The following PCDHGA3 variants were observed in gnomAD, a reference collection of about 807,000 sequenced individuals.
PCDHGA3 encodes the protein protocadherin gamma subfamily A, 3, also known as protocadherin gamma-A3.
In PCDHGA3, 40 loss-of-function variants were observed where a neutral mutation model predicts 58.5. The ratio of observed to expected loss-of-function variants is 0.68; its 90% CI spans 0.53 to 0.89. The LOEUF is 0.89. PCDHGA3 is among the 40% of genes least tolerant of loss of function. The pLI is 0.00. For missense variants in PCDHGA3, 1,223 were observed against 1,195.9 expected (o/e 1.02, Z -0.33); for synonymous variants, 530 against 525.7 (o/e 1.01, Z -0.11).
chr5:141,441,547 A>G (rs1393958373), intron 1 of PCDHGA3: 1 of 182,772 alleles, frequency 5.5e-6, no homozygotes, highest in Admixed American at 6.4e-5. Context: ...CAAAGCCTCC[A>G]TAGTGTGCAA....
chr5:141,428,459 A>G (rs1322945046), intron 1 of PCDHGA3: 2 of 350,154 alleles, frequency 5.7e-6, no homozygotes, highest in Non-Finnish European at 1.1e-5. Flanking sequence ...CCCAACTACA[A>G]TGAGGGAACT....
intron 1 of PCDHGA3, among the ~76,000 whole-genome samples, chr5:141,474,432 C>T (rs1050895539): frequency 6.6e-6 from 1 of 152,214 alleles, no homozygotes; most frequent in Non-Finnish European, 1.5e-5. Context: ...GGTCCTCACA[C>T]TTTGAGTAGC....
intron 1 of PCDHGA3, chr5:141,419,071 A>G: frequency 6.2e-7 from 1 of 1,614,006 alleles, no homozygotes; most frequent in South Asian, 1.1e-5. Flanking sequence ...ACTACAAGCT[A>G]GTAACAGATG....
intron 2 of PCDHGA3, among the ~76,000 whole-genome samples, chr5:141,500,027 G>C (rs1458308566): frequency 6.6e-6 from 1 of 151,808 alleles, no homozygotes; most frequent in Non-Finnish European, 1.5e-5. Flanking sequence ...ATATTTGAGT[G>C]AGTGTCTCTT....
intron 1 of PCDHGA3, chr5:141,375,721 G>T (rs1194190814): frequency 6.2e-7 from 1 of 1,614,266 alleles, no homozygotes; most frequent in South Asian, 1.1e-5. Context: ...GCAGCAACGT[G>T]TCACTGAGCC....
intron 2 of PCDHGA3, among the ~76,000 whole-genome samples, chr5:141,503,595 G>A (rs6892628): frequency 7.1e-6 from 1 of 140,086 alleles, no homozygotes. Context: ...CGAGACTCCA[G>A]CTCAAAAAAA....
In PCDHGA3 at chr5:141,418,244, C is replaced by T. The variant is rs746986702; in HGVS notation, c.2424+71787C>T. 1.3e-5 allele frequency: 21 copies of T among 1,613,980 alleles called. No individual in the cohort carries two copies. The South Asian group carries it at 2.2e-4, about 17-fold the overall frequency. ...TGTGGTGATTGAGGATGTTAATGAC[C>T]ACGCCCCTCAATTCCGGAAAGATGA... is the stretch of plus-strand genomic sequence containing the variant. On this transcript the variant is annotated intron_variant, in intron 1 of 3. Transcript: ENST00000253812.
rs780383828 is a variant in PCDHGA3, at chr5:141,422,708, A to G, written c.2425-72099A>G. ...GCCCTGGTCACTTACTCTCTGACGGATGACACTGTCCAGGGGGTGCCTCTG... is the reference window on the plus strand; with the variant it reads ...GCCCTGGTCACTTACTCTCTGACGGGTGACACTGTCCAGGGGGTGCCTCTG... On this transcript the variant is annotated intron_variant, in intron 1 of 3. Transcript: ENST00000253812. 28 of 1,603,464 alleles carry G rather than the reference A, an allele frequency of 1.7e-5. No individual in the cohort carries two copies. The East Asian group carries it at 3.8e-4, about 22-fold the overall frequency.
intron 1 of PCDHGA3, among the ~76,000 whole-genome samples, chr5:141,437,777 C>T (rs998490046): frequency 2.0e-5 from 3 of 148,970 alleles, no homozygotes; most frequent in Admixed American, 6.7e-5. Context: ...CTCAATCTGT[C>T]GCCAAGCTGG....
chr5:141,402,857 A>G, intron 1 of PCDHGA3: 2 of 1,425,270 alleles, frequency 1.4e-6, no homozygotes, highest in Non-Finnish European at 1.8e-6. Context: ...CTTTCTTCTA[A>G]GGAAAAGATC....
intron 1 of PCDHGA3, among the ~76,000 whole-genome samples, chr5:141,435,743 G>T (rs3805699): frequency 0.11 from 17,212 of 152,168 alleles, 1,160 homozygotes; most frequent in African/African-American, 0.18. Context: ...TCTTTGAAAA[G>T]CATTGCTTGA....
intron 1 of PCDHGA3, chr5:141,399,557 T>TG: frequency 1.2e-6 from 2 of 1,613,968 alleles, no homozygotes; most frequent in Non-Finnish European, 1.7e-6. Context: ...GACCTGGACT[T>TG]GGGGTTGAAC....
chr5:141,469,821 G>GTCAC (rs2099212195), intron 1 of PCDHGA3, among the ~76,000 whole-genome samples: 1 of 152,028 alleles, frequency 6.6e-6, no homozygotes, highest in African/African-American at 2.4e-5. Flanking sequence ...TAGAATGGAG[G>GTCAC]TCACATAAAA....
intron 1 of PCDHGA3, chr5:141,361,293 G>A: frequency 1.2e-6 from 2 of 1,614,018 alleles, no homozygotes; most frequent in Non-Finnish European, 8.5e-7. Context: ...ACTGCCAAGT[G>A]TTGGGAAATG....
rs1288507078 is a variant in PCDHGA3 at position 141,476,171 on chromosome 5, G to A, written c.2425-18636G>A. On this transcript the variant is annotated intron_variant, in intron 1 of 3. Transcript: ENST00000253812. This position sits in a 1 kb window ranked among gnomAD's most constrained non-coding sequence, Gnocchi z 7.6. ...GGTAAGCACCGGGAGGGTAGTGGGA[G>A]TTTTGCTTCTGCTTGGTGCCTTGAA... The A allele has an allele frequency of 1.2e-6, 2 of 1,613,442 alleles. No individual in the cohort carries two copies. The highest frequency in any genetic ancestry group is 1.7e-6 in the Non-Finnish European group (2 of 1,179,978).
chr5:141,400,700 AAAG>A (rs1199384329), intron 1 of PCDHGA3: 5 of 728,844 alleles, frequency 6.9e-6, no homozygotes, highest in Non-Finnish European at 1.1e-5. Flanking sequence ...ATGTCGCATA[AAAG>A]AAGTAGCCTT....
Position 141,489,161 on chromosome 5 carries a change from A to T in PCDHGA3, c.2425-5646A>T. ...GCTGGAAGGAGACATAAGAGACTTC[A>T]GCTGCTGCATTCCAAGCCCTGGGTC... On this transcript the variant is annotated intron_variant, in intron 1 of 3. Coordinates refer to ENST00000253812, the MANE Select transcript of PCDHGA3 (RefSeq NM_018916.4). The surrounding 1 kb of genome is among the most constrained non-coding windows in gnomAD (Gnocchi z 4.5). 1.9e-6 allele frequency: 2 copies of T among 1,040,278 alleles called. No individual in the cohort carries two copies. The highest frequency in any genetic ancestry group is 2.8e-6 in the Non-Finnish European group (2 of 709,676). 64.4% of individuals were successfully genotyped at this position (1,040,278 alleles called of 1,614,324 possible).
At chr5:141,356,417 C>T in intron 1 of PCDHGA3, 1 of 1,603,636 alleles carries the variant, frequency 6.2e-7, no homozygotes, top group South Asian at 1.1e-5. Context: ...CGGTTGTTGA[C>T]ACACAGAACA....
chr5:141,490,951 T>G lies in PCDHGA3; in HGVS notation c.2425-3856T>G, dbSNP rs778168052. On this transcript the variant is annotated intron_variant, in intron 1 of 3. Transcript: ENST00000253812. The surrounding 1 kb of genome is among the most constrained non-coding windows in gnomAD (Gnocchi z 5.4). ...AGCTGTGCTGCACCCACGGCCAGACTGGGAACACTCAGCCCCCCAGCGTCT... is the reference window on the plus strand; with the variant it reads ...AGCTGTGCTGCACCCACGGCCAGACGGGGAACACTCAGCCCCCCAGCGTCT... The G allele has an allele frequency of 6.2e-7, 1 of 1,613,638 alleles. No individual in the cohort carries two copies. The highest frequency in any genetic ancestry group is 1.3e-5 in the African/African-American group (1 of 74,900).
Sources: allele counts gnomAD v4.1 joint callset (sites outside exome capture counted in the v4.1 genomes callset), GRCh38; gene constraint gnomAD v4.1.1; non-coding constraint Gnocchi (gnomAD v3.1); transcripts MANE v1.5; gene names NCBI Gene and HGNC (gene_info 2026-07-23, HGNC 2026-07-21).